The following MATR3 variants were observed in gnomAD, a reference collection of about 807,000 sequenced individuals.
MATR3 encodes the protein matrin 3.
A neutral mutation model predicts 85.5 loss-of-function variants in MATR3; 4 were observed. The observed-to-expected ratio is 0.05, with a 90% CI of 0.02 to 0.11. The LOEUF is 0.11. MATR3 is among the 10% of genes least tolerant of loss of function. MATR3 has a pLI of 1.00. For synonymous variants in MATR3, 336 were observed against 343.1 expected, an observed-to-expected ratio of 0.98 and a Z score of 0.23; for missense variants, 685 against 1,016.1, an observed-to-expected ratio of 0.67 and a Z score of 4.43.
chr5:139,284,418 A>G (rs1285785717), intron 3 of MATR3, among the ~76,000 whole-genome samples: 2 of 152,178 alleles, frequency 1.3e-5, no homozygotes, highest in Non-Finnish European at 2.9e-5. Context: ...CATGGCCAAC[A>G]TGGTGAAACC....
In MATR3 at chr5:139,321,881, T is replaced by G. The variant is rs199789148; in HGVS notation, c.1603-17T>G. The G allele has an allele frequency of 1.8e-5, 29 of 1,611,700 alleles. No homozygotes were observed. In the South Asian group the frequency reaches 2.9e-4, roughly 16 times the overall value. The stretch of plus-strand genomic sequence containing the variant: ...AAAATATAATGTGCTTTGTGGTTTC[T>G]TTTCTTTCTTTTTAAGGCTTTTATT... On this transcript the variant is annotated splice_polypyrimidine_tract_variant and intron_variant, in intron 9 of 14. Coordinates refer to ENST00000394805, the MANE Select transcript of MATR3 (RefSeq NM_018834.6).
At chr5:139,314,445 A>G in intron 2 of MATR3, 1 of 482,716 alleles carries the variant, frequency 2.1e-6, no homozygotes. Flanking sequence ...AAGTATGTTG[A>G]CAAGTTAATC....
Position 139,307,989 on chromosome 5 carries a change from C to G in MATR3, c.574C>G (p.Arg192Gly). 6.2e-7 allele frequency: 1 copy of G among 1,614,116 alleles called. No individual in the cohort carries two copies. The highest frequency in any genetic ancestry group is 8.5e-7 in the Non-Finnish European group (1 of 1,180,026). ...CTTTAGAAGAGATAGTTTTGATGATCGTGGTCCTAGTCTCAACCCAGTGCT... is the reference window on the plus strand; with the variant it reads ...CTTTAGAAGAGATAGTTTTGATGATGGTGGTCCTAGTCTCAACCCAGTGCT... ...RHFRRDSFDD[R>G]GPSLNPVLDY... Residue 192 changes from arginine to glycine, a missense_variant, in exon 2 of 15, where the codon CGT (arginine) becomes GGT (glycine). By Grantham distance (125) the Arg-to-Gly change is moderately radical (BLOSUM62 -2). Transcript: ENST00000394805. This position sits in a 1 kb window ranked among gnomAD's most constrained non-coding sequence, Gnocchi z 4.4.
exon 1 of MATR3, chr5:139,274,127 G>A (rs1249127622): frequency 2.2e-6 from 1 of 445,824 alleles, no homozygotes; most frequent in Admixed American, 2.5e-5. Context: ...CTCTGCCGGT[G>A]CTGCTGCGCC....
intron 3 of MATR3, among the ~76,000 whole-genome samples, chr5:139,286,343 CTATT>C (rs971670875): frequency 7.2e-5 from 11 of 152,026 alleles, no homozygotes; most frequent in East Asian, 2.0e-4. Context: ...TTTTTAAAAG[CTATT>C]TATTTATTAT....
chr5:139,297,702 G>C (rs1411761802), intron 1 of MATR3, among the ~76,000 whole-genome samples: 2 of 152,138 alleles, frequency 1.3e-5, no homozygotes, highest in East Asian at 3.8e-4. Flanking sequence ...TAATTTTCCA[G>C]TTGTACATCA....
chr5:139,322,164 A>G (rs1284809630), intron 10 of MATR3, 135 bp downstream of exon 10: 11 of 1,130,014 alleles, frequency 9.7e-6, no homozygotes, highest in South Asian at 1.4e-5. Flanking sequence ...TTGAAAGAGA[A>G]CAACCTTTTT....
At chr5:139,315,353 T>G (rs1485966059) in intron 3 of MATR3, 1 of 263,838 alleles carries the variant, frequency 3.8e-6, no homozygotes, top group Non-Finnish European at 7.3e-6. Context: ...GTATTAATAT[T>G]GGAGAAGGAA....
At chr5:139,320,006 G>A (rs1222473372) in intron 9 of MATR3, among the ~76,000 whole-genome samples, 2 of 92,664 alleles carry the variant, frequency 2.2e-5, no homozygotes, top group African/African-American at 4.4e-5. Flanking sequence ...TTTTTTTCTT[G>A]TATTTAAAAA....
intron 4 of MATR3, 106 bp from the exon 5 acceptor site, chr5:139,315,970 A>T: frequency 1.1e-6 from 1 of 897,700 alleles, no homozygotes; most frequent in Non-Finnish European, 1.9e-6. Flanking sequence ...ACTCTGAAAG[A>T]TTGAAGTGGT....
intron 1 of MATR3, among the ~76,000 whole-genome samples, chr5:139,303,009 T>G (rs2151948167): frequency 6.6e-6 from 1 of 152,240 alleles, no homozygotes; most frequent in South Asian, 2.1e-4. Context: ...CCATAAATAA[T>G]CTTTCATAGT....
At chr5:139,321,609 T>C (rs1298846639) in intron 9 of MATR3, among the ~76,000 whole-genome samples, 5 of 152,076 alleles carry the variant, frequency 3.3e-5, no homozygotes, top group Admixed American at 2.6e-4. Context: ...ATGGCGAAAC[T>C]GCACCTCTAC....
chr5:139,316,982 T>C, intron 5 of MATR3, 71 bp from the exon 6 acceptor site: 1 of 1,264,698 alleles, frequency 7.9e-7, no homozygotes, highest in Non-Finnish European at 1.2e-6. Flanking sequence ...AAGATGCACG[T>C]TTTTCAGTAA....
chr5:139,276,533 GT>G (rs770548737), intron 2 of MATR3, among the ~76,000 whole-genome samples: 1 of 152,168 alleles, frequency 6.6e-6, no homozygotes, highest in Non-Finnish European at 1.5e-5. Flanking sequence ...TTGCATTAAG[GT>G]TTAATCTGTG....
intron 2 of MATR3, 58 bp downstream of exon 2, chr5:139,308,385 A>G (rs1286623408): frequency 7.5e-6 from 12 of 1,595,000 alleles, no homozygotes; most frequent in Admixed American, 5.0e-5. Flanking sequence ...CTATTTACCT[A>G]TATCTTTGAC....
At position 139,300,578 on chromosome 5, in the gene MATR3, T is replaced by C. The variant is rs190454392; in HGVS notation, c.-177-6661T>C. ...AAAATAGATTTTACCTTCTTAGTTT[T>C]ATGAGGATCAGATTATACCAAATGA... On this transcript the variant is annotated intron_variant, in intron 1 of 14. Coordinates refer to ENST00000394805, the MANE Select transcript of MATR3 (RefSeq NM_018834.6). 2.4e-4 allele frequency among the ~76,000 whole-genome samples: 37 copies of C among 152,358 alleles called. No individual in the cohort carries two copies. The East Asian group carries it at 6.9e-3, about 29-fold the overall frequency.
intron 3 of MATR3, 149 bp downstream of exon 3, chr5:139,314,885 T>G (rs1755164384): frequency 1.5e-6 from 1 of 686,910 alleles, no homozygotes. Context: ...ACAAGTAAAA[T>G]GTTTAGATCT....
At chr5:139,298,937 C>A (rs1754300100) in intron 1 of MATR3, among the ~76,000 whole-genome samples, 2 of 152,260 alleles carry the variant, frequency 1.3e-5, no homozygotes, top group East Asian at 1.9e-4. Flanking sequence ...GTTTAACTCA[C>A]AATTGTGGAT....
chr5:139,318,801 T>C (rs1040812630), intron 7 of MATR3, 107 bp from the exon 8 acceptor site: 1 of 1,005,322 alleles, frequency 9.9e-7, no homozygotes, highest in Non-Finnish European at 1.5e-6. Context: ...ATTAAATATA[T>C]CTGAAAAGAT....
Sources: allele counts gnomAD v4.1 joint callset (sites outside exome capture counted in the v4.1 genomes callset), GRCh38; gene constraint gnomAD v4.1.1; non-coding constraint Gnocchi (gnomAD v3.1); transcripts MANE v1.5; gene names NCBI Gene and HGNC (gene_info 2026-07-23, HGNC 2026-07-21).